PLEC: variants seen among roughly 807,000 people sequenced by gnomAD.
PLEC encodes the protein hemidesmosomal protein 1.
Under a neutral mutation model 392.8 loss-of-function variants are expected in PLEC, and 216 were observed. That is an observed-to-expected ratio of 0.55 (90% CI 0.49 to 0.62). The LOEUF is 0.62. Among genes scored for constraint, PLEC ranks in the 20% least tolerant of loss-of-function variants. PLEC has a pLI of 0.00. For synonymous variants in PLEC, 3,621 were observed against 2,980.6 expected, an observed-to-expected ratio of 1.21 and a Z score of -7.00; for missense variants, 6,863 against 6,563.4, an observed-to-expected ratio of 1.05 and a Z score of -1.58.
intron 3 of PLEC, 55 bp from the exon 4 acceptor site, chr8:143,937,297 C>A: frequency 7.5e-7 from 1 of 1,341,038 alleles, no homozygotes; most frequent in South Asian, 1.2e-5. Context: ...CGGGCCCCAC[C>A]CTCAGCATGC....
At chr8:143,966,686 G>A (rs1185859607) in intron 1 of PLEC, among the ~76,000 whole-genome samples, 3 of 152,124 alleles carry the variant, frequency 2.0e-5, no homozygotes, top group East Asian at 1.9e-4. Flanking sequence ...CATAGTCCCC[G>A]CGTCAGGAAG....
Position 143,920,916 on chromosome 8 carries a change from T to C in PLEC, c.8905A>G (p.Lys2969Glu), listed in dbSNP as rs1822419267. ...IITVVEEQEQ[K>E]GRLCFEGLRS... ...AGGCCCTCAAAGCAAAGCCGGCCCT[T>C]CTGCTCCTGCTCCTCCACCACCGTG... Residue 2969 changes from lysine to glutamate, a missense_variant, in exon 32 of 32, where the codon AAG (lysine) becomes GAG (glutamate). Transcript: ENST00000345136. 1.9e-6 allele frequency: 3 copies of C among 1,612,678 alleles called. No individual in the cohort carries two copies. The highest frequency in any genetic ancestry group is 2.5e-6 in the Non-Finnish European group (3 of 1,180,038).
Position 143,918,775 on chromosome 8 carries a change from G to A in PLEC, c.11046C>T (p.Ala3682=). 1 of 1,613,120 alleles carries A rather than the reference G, an allele frequency of 6.2e-7. No homozygotes were observed. Among genetic ancestry groups the A allele is most frequent in the African/African-American group, 1.3e-5 (1 of 75,066 alleles). ...AGCCCGTGCCATAGAGGTAGCACCAGGCGGACTCCGCCTCGAGAGCCTCAC... is the reference window on the plus strand; with the variant it reads ...AGCCCGTGCCATAGAGGTAGCACCAAGCGGACTCCGCCTCGAGAGCCTCAC... ...SLREALEAES[A]WCYLYGTGSV... The change falls in exon 32 of 32, where the codon GCC becomes GCT. Residue 3682 remains alanine (A), a synonymous_variant. Transcript: ENST00000345136.
chr8:143,975,893 C>G (rs1050637166), upstream of PLEC, among the ~76,000 whole-genome samples: 1 of 152,146 alleles, frequency 6.6e-6, no homozygotes, highest in Non-Finnish European at 1.5e-5. This position sits in a 1 kb window ranked among gnomAD's most constrained non-coding sequence, Gnocchi z 9.9. Context: ...CGCCTCTAAC[C>G]CTCTAATCGC....
rs781882153 is a variant in PLEC at position 143,921,184 on chromosome 8, C to G, written c.8637G>C (p.Leu2879=). The change falls in exon 32 of 32, where the codon CTG becomes CTC. Residue 2879 remains leucine, a synonymous_variant. Coordinates refer to ENST00000345136, the MANE Select transcript of PLEC (RefSeq NM_201384.3). ...ERCVEDPETG[L]CLLPLTDKAA... is the part of the protein sequence containing the mutation. ...CCTTATCCGTGAGTGGCAGAAGGCA[C>G]AGGCCCGTCTCGGGGTCCTCCACGC... 1 of 1,613,828 alleles carries G rather than the reference C, an allele frequency of 6.2e-7. No individual in the cohort carries two copies.
upstream of PLEC, chr8:143,953,598 G>T: frequency 9.7e-7 from 1 of 1,035,618 alleles, no homozygotes. Context: ...CTGCGGCTCT[G>T]GCTCAGCGAC....
At chr8:143,936,483 C>T (rs952867546) in intron 5 of PLEC, among the ~76,000 whole-genome samples, 2 of 152,206 alleles carry the variant, frequency 1.3e-5, no homozygotes, top group South Asian at 4.1e-4. Flanking sequence ...CAGGTGGGGC[C>T]TCTGGCAGCC....
At chr8:143,967,240 G>A (rs1164400173) in intron 1 of PLEC, among the ~76,000 whole-genome samples, 3 of 151,794 alleles carry the variant, frequency 2.0e-5, no homozygotes, top group African/African-American at 7.3e-5. Flanking sequence ...GCGGGCGCCT[G>A]TAGTCCCAGC....
chr8:143,926,856 G>C lies in PLEC; in HGVS notation c.3972C>G (p.Ser1324Arg), dbSNP rs375565604. 6.2e-7 allele frequency: 1 copy of C among 1,613,440 alleles called. No individual in the cohort carries two copies. Among genetic ancestry groups the C allele is most frequent in the East Asian group, 2.2e-5 (1 of 44,882 alleles). ...ACTGGCTCGTCAGTGTGGTCAGCTC[G>C]CTGTAGTGCGTACGCAGGTCCACGT... is the stretch of plus-strand genomic sequence containing the variant. ...QEYVDLRTHY[S>R]ELTTLTSQYI... Residue 1324 changes from serine to arginine, a missense_variant, in exon 30 of 32, where the codon AGC becomes AGG. Ser to Arg is a moderately radical substitution (Grantham distance 110). Transcript: ENST00000345136.
In PLEC at chr8:143,931,928, G is replaced by T. The variant is rs114256617; in HGVS notation, c.2178+9C>A. 1.2e-6 allele frequency: 2 copies of T among 1,600,348 alleles called. No individual in the cohort carries two copies. Among genetic ancestry groups the T allele is most frequent in the African/African-American group, 2.7e-5 (2 of 74,742 alleles). On this transcript the variant is annotated intron_variant, in intron 18 of 31. Coordinates refer to ENST00000345136, the MANE Select transcript of PLEC (RefSeq NM_201384.3). Reference sequence around the variant, plus strand: ...TGAGCCACAGTGCGGAGGGGGCTCCGGTTCTCACCTGAAAGTAGGCAGCGT... The same window carrying T: ...TGAGCCACAGTGCGGAGGGGGCTCCTGTTCTCACCTGAAAGTAGGCAGCGT...
Position 143,923,503 on chromosome 8 carries a change from G to A in PLEC, c.6426C>T (p.Ala2142=), listed in dbSNP as rs200062782. ...QAAAEKLRKE[A]EQEAARRAQA... ...GTGCCCGCCGCGCCGCCTCTTGCTC[G>A]GCCTCCTTGCGCAGCTTCTCTGCAG... Residue 2142 remains alanine, a synonymous_variant, in exon 31 of 32, where the codon GCC becomes GCT. Coordinates refer to ENST00000345136, the MANE Select transcript of PLEC (RefSeq NM_201384.3). 799 of 1,597,858 alleles carry A rather than the reference G, an allele frequency of 5.0e-4. 3 individuals carry two copies. The highest frequency in any genetic ancestry group is 4.2e-3 in the Middle Eastern group (25 of 5,992).
chr8:143,971,644 G>C (rs1833436724), intron 1 of PLEC, among the ~76,000 whole-genome samples: 1 of 152,184 alleles, frequency 6.6e-6, no homozygotes, highest in African/African-American at 2.4e-5. Flanking sequence ...CTTGTCTCAA[G>C]CCAGGAGCTA....
chr8:143,928,108 G>A (rs1398791763), intron 25 of PLEC, 116 bp from the exon 26 acceptor site: 2 of 1,312,952 alleles, frequency 1.5e-6, no homozygotes, highest in Middle Eastern at 2.1e-4. Context: ...ACCCAACCCT[G>A]GGGGTCAGCT....
Position 143,922,489 on chromosome 8 carries a change from T to C in PLEC, c.7425+15A>G. The stretch of plus-strand genomic sequence containing the variant: ...CCCGGGCCCACCCGCCCGTCGCACG[T>C]AGAGGGGGCGGTACCTCCTCAGACT... On this transcript the variant is annotated intron_variant, in intron 31 of 31. Transcript: ENST00000345136. 6.2e-7 allele frequency: 1 copy of C among 1,605,852 alleles called. No homozygotes were observed. The highest frequency in any genetic ancestry group is 2.2e-5 in the East Asian group (1 of 44,874).
In PLEC at chr8:143,921,733, G is replaced by A. The variant is rs1822802153; in HGVS notation, c.8088C>T (p.Ser2696=). 1 of 1,612,684 alleles carries A rather than the reference G, an allele frequency of 6.2e-7. No individual in the cohort carries two copies. Among genetic ancestry groups the A allele is most frequent in the South Asian group, 1.1e-5 (1 of 91,088 alleles). The change falls in exon 32 of 32, where the codon AGC becomes AGT. Residue 2696 remains serine, a synonymous_variant. Transcript: ENST00000345136. ...EDVRHYLQGR[S]SIAGLLLKAT... is the part of the protein sequence containing the mutation. The stretch of plus-strand genomic sequence containing the variant: ...CCTTCAGCAACAGCCCTGCGATACT[G>A]CTGCGGCCCTGCAGGTAGTGGCGCA...
Position 143,924,019 on chromosome 8 carries a change from C to A in PLEC, c.5910G>T (p.Ala1970=). ...CCTCCGCCGCCAGCTGCCGCTGCCT[C>A]GCAGCCTCCAGCTCGGCCTGCTCCT... is the stretch of plus-strand genomic sequence containing the variant. ...RSKEQAELEA[A]RQRQLAAEEE... Residue 1970 remains alanine, a synonymous_variant, in exon 31 of 32, where the codon GCG becomes GCT. Coordinates refer to ENST00000345136, the MANE Select transcript of PLEC (RefSeq NM_201384.3). The A allele has an allele frequency of 6.3e-7, 1 of 1,589,576 alleles. No homozygotes were observed. Among genetic ancestry groups the A allele is most frequent in the South Asian group, 1.1e-5 (1 of 90,124 alleles).
intron 12 of PLEC, 125 bp downstream of exon 12, chr8:143,933,873 C>T (rs544788461): frequency 1.9e-5 from 15 of 783,526 alleles, no homozygotes; most frequent in South Asian, 1.2e-4. Flanking sequence ...CCACATGCCC[C>T]GCCCCTGCCC....
In PLEC at chr8:143,925,335, GCTTCTCGCGCGCCGCCTCGGCCTCGGC is replaced by G; in HGVS notation, c.4567_4593del (p.Ala1523_Lys1531del). ...TCCTCCAGGGCCTGCAGGGCCCGCT[GCTTCTCGCGCGCCGCCTCGGCCTCGGC>G]CTTCACGCGCGAGGCCAGCTCCACC... is the stretch of plus-strand genomic sequence containing the variant. On this transcript the variant is annotated inframe_deletion, in exon 31 of 32. Transcript: ENST00000345136. 3 of 1,554,882 alleles carry G rather than the reference GCTTCTCGCGCGCCGCCTCGGCCTCGGC, an allele frequency of 1.9e-6. No individual in the cohort carries two copies. The highest frequency in any genetic ancestry group is 1.2e-5 in the South Asian group (1 of 86,302).
At chr8:143,937,787 G>A (rs1201788215) in intron 3 of PLEC, 2 of 517,500 alleles carry the variant, frequency 3.9e-6, no homozygotes, top group Admixed American at 2.3e-5. Flanking sequence ...TCCCTCGGCT[G>A]CCCGGCCAGA....
Sources: gnomAD v4.1 joint callset for allele counts (sites outside exome capture counted in the v4.1 genomes callset) on GRCh38, gnomAD v4.1.1 for gene constraint, Gnocchi (gnomAD v3.1) non-coding constraint, MANE v1.5 for transcripts, NCBI Gene and HGNC (gene_info 2026-07-23, HGNC 2026-07-21) for gene names.